Variants in SPAG16 observed in about 807,000 individuals in gnomAD.
The protein encoded by SPAG16 is sperm-associated antigen 16 protein.
In SPAG16, 86 loss-of-function variants were observed where a neutral mutation model predicts 80.4. The observed-to-expected ratio is 1.07, with a 90% CI of 0.90 to 1.28. The LOEUF is 1.28. Among genes scored for constraint, SPAG16 ranks in the 50% most tolerant of loss-of-function variants. The probability of loss-of-function intolerance (pLI) is 0.00; values close to 1 mark genes in which losing one functional copy is unlikely to be tolerated. For missense variants in SPAG16, 870 were observed against 765.3 expected (o/e 1.14, Z -1.61); for synonymous variants, 294 against 265.9 (o/e 1.11, Z -1.03).
At chr2:213,640,328 A>C (rs2062538073) in intron 10 of SPAG16, among the ~76,000 whole-genome samples, 1 of 152,030 alleles carries the variant, frequency 6.6e-6, no homozygotes, top group Non-Finnish European at 1.5e-5. Flanking sequence ...CTTGTTTTTT[A>C]ATATTACCAG....
chr2:213,862,953 C>T (rs561835825), intron 11 of SPAG16, among the ~76,000 whole-genome samples: 3 of 152,232 alleles, frequency 2.0e-5, no homozygotes, highest in Admixed American at 6.5e-5. Context: ...ATAATGCATG[C>T]CAGAATTTAC....
chr2:214,297,694 G>C (rs887872860), intron 15 of SPAG16, among the ~76,000 whole-genome samples: 1 of 151,896 alleles, frequency 6.6e-6, no homozygotes, highest in Non-Finnish European at 1.5e-5. Flanking sequence ...TAATAGATCT[G>C]TGTATTTTAT....
At chr2:213,724,827 T>C (rs2066692846) in intron 10 of SPAG16, among the ~76,000 whole-genome samples, 1 of 146,686 alleles carries the variant, frequency 6.8e-6, no homozygotes, top group East Asian at 2.0e-4. Flanking sequence ...TAAGTTTAAT[T>C]GATGAGTATG....
chr2:213,621,722 T>C (rs910797844), intron 10 of SPAG16, among the ~76,000 whole-genome samples: 1 of 152,220 alleles, frequency 6.6e-6, no homozygotes, highest in Admixed American at 6.5e-5. Flanking sequence ...CCATTAGCAA[T>C]GGTGAGCTGT....
At chr2:213,364,190 G>A in intron 8 of SPAG16, 45 bp downstream of exon 8, 1 of 1,201,202 alleles carries the variant, frequency 8.3e-7, no homozygotes, top group Non-Finnish European at 1.1e-6. Context: ...ATAGTTTGGT[G>A]ATTTCTCAAC....
chr2:214,290,475 A>G (rs919301774), intron 15 of SPAG16, among the ~76,000 whole-genome samples: 6 of 152,040 alleles, frequency 3.9e-5, no homozygotes, highest in Non-Finnish European at 8.8e-5. Context: ...TAGGTTGTTG[A>G]TTATAAATCT....
chr2:213,297,391 T>G, intron 3 of SPAG16, 34 bp downstream of exon 3: 1 of 1,289,434 alleles, frequency 7.8e-7, no homozygotes, highest in African/African-American at 1.5e-5. Flanking sequence ...GTCTATAGTT[T>G]AGTGGTAGTG....
rs148409443 is a variant in SPAG16 at position 214,011,686 on chromosome 2, A to G, written c.1401-2265A>G. On this transcript the variant is annotated intron_variant, in intron 12 of 15. Coordinates refer to ENST00000331683, the MANE Select transcript of SPAG16 (RefSeq NM_024532.5). The stretch of plus-strand genomic sequence containing the variant: ...TTAGTGATTAAAATATTATCAGCCT[A>G]TCTGTGAAATACTGAGGTAAGGAAA... 3.2e-3 allele frequency among the ~76,000 whole-genome samples: 481 copies of G among 152,322 alleles called. 2 individuals are homozygous for G. Among genetic ancestry groups the G allele is most frequent in the Non-Finnish European group, 5.6e-3 (379 of 68,022 alleles).
chr2:213,375,532 ATC>A (rs1412241536), intron 9 of SPAG16, among the ~76,000 whole-genome samples: 1 of 152,084 alleles, frequency 6.6e-6, no homozygotes, highest in Admixed American at 6.6e-5. Context: ...CCGTTTAACA[ATC>A]TCTTTATATC....
intron 9 of SPAG16, among the ~76,000 whole-genome samples, chr2:213,482,160 A>T (rs571821727): frequency 3.3e-5 from 5 of 152,254 alleles, no homozygotes; most frequent in African/African-American, 1.2e-4. Context: ...AGCTTCGCTC[A>T]TCATAATCAC....
intron 5 of SPAG16, among the ~76,000 whole-genome samples, chr2:213,338,913 C>T (rs893169341): frequency 6.6e-6 from 1 of 151,664 alleles, no homozygotes; most frequent in Non-Finnish European, 1.5e-5. Context: ...AAATAGCGAA[C>T]GTATGCTGCG....
In SPAG16 at chr2:213,326,348, C is replaced by T. The variant is rs535056691; in HGVS notation, c.536+8992C>T. Among the ~76,000 whole-genome samples, 3 of 152,056 alleles carry T rather than the reference C, an allele frequency of 2.0e-5. No homozygotes were observed. In the South Asian group the frequency reaches 6.2e-4, roughly 32 times the overall value. On this transcript the variant is annotated intron_variant, in intron 5 of 15. Coordinates refer to ENST00000331683, the MANE Select transcript of SPAG16 (RefSeq NM_024532.5). ...CTATAAAAGGTCAAAGAGTGCCCAG[C>T]TTTTGTGAAGACCCATTTAGTTTTA...
intron 9 of SPAG16, among the ~76,000 whole-genome samples, chr2:213,478,531 G>A (rs1321667499): frequency 2.0e-5 from 3 of 152,108 alleles, no homozygotes; most frequent in Non-Finnish European, 2.9e-5. Flanking sequence ...GAATGTGATG[G>A]TAGCTACTAT....
intron 9 of SPAG16, among the ~76,000 whole-genome samples, chr2:213,459,533 T>C (rs544640346): frequency 6.6e-6 from 1 of 152,328 alleles, no homozygotes; most frequent in South Asian, 2.1e-4. Context: ...AGGATCATTC[T>C]TATTCCTTGT....
chr2:213,949,169 G>GTTTTTTTTTTTTTTTTTTT (rs767648099), intron 12 of SPAG16, among the ~76,000 whole-genome samples: 1 of 56,724 alleles, frequency 1.8e-5, no homozygotes, highest in Non-Finnish European at 3.6e-5. Context: ...AATTACAACA[G>GTTTTTTTTTTTTTTTTTTT]TTTTTTTTTT....
intron 15 of SPAG16, among the ~76,000 whole-genome samples, chr2:214,332,646 A>G (rs1697002772): frequency 6.6e-6 from 1 of 152,206 alleles, no homozygotes; most frequent in African/African-American, 2.4e-5. Context: ...GCTACACCAT[A>G]ATGAATCAAT....
chr2:213,512,699 C>T (rs2075274675), intron 10 of SPAG16, among the ~76,000 whole-genome samples: 1 of 152,154 alleles, frequency 6.6e-6, no homozygotes, highest in Admixed American at 6.5e-5. Context: ...TTTCACCAAA[C>T]ACTGCCAGGA....
chr2:213,982,640 TGTGTGTGTGA>T (rs1255695029), intron 12 of SPAG16, among the ~76,000 whole-genome samples: 5 of 151,686 alleles, frequency 3.3e-5, no homozygotes, highest in African/African-American at 1.2e-4. Context: ...TGTGTGTGTG[TGTGTGTGTGA>T]AAGACAGAGT....
At chr2:213,380,845 G>A (rs904294211) in intron 9 of SPAG16, among the ~76,000 whole-genome samples, 3 of 152,104 alleles carry the variant, frequency 2.0e-5, no homozygotes, top group South Asian at 2.1e-4. Context: ...GTTTCAGAGC[G>A]TTCTCCTGTT....
Sources: allele counts gnomAD v4.1 joint callset (sites outside exome capture counted in the v4.1 genomes callset), GRCh38; gene constraint gnomAD v4.1.1; transcripts MANE v1.5; gene names NCBI Gene and HGNC (gene_info 2026-07-23, HGNC 2026-07-21).